METTL8: variants seen among roughly 807,000 people sequenced by gnomAD.
METTL8 encodes the protein methyltransferase 8, tRNA N3-cytidine.
Under a neutral mutation model 48.7 loss-of-function variants are expected in METTL8, and 32 were observed. That is an observed-to-expected ratio of 0.66 (90% CI 0.50 to 0.88). The LOEUF is 0.88. Ranked by LOEUF, METTL8 falls within the 40% of genes least tolerant of loss-of-function variation. The pLI is 0.00. For synonymous variants in METTL8, 136 were observed against 157.1 expected, an observed-to-expected ratio of 0.87 and a Z score of 1.01; for missense variants, 464 against 474.4, an observed-to-expected ratio of 0.98 and a Z score of 0.20.
At chr2:171,376,485 A>G (rs1686979806) in intron 2 of METTL8, among the ~76,000 whole-genome samples, 1 of 152,218 alleles carries the variant, frequency 6.6e-6, no homozygotes, top group Non-Finnish European at 1.5e-5. Flanking sequence ...GATCTGATAA[A>G]TGGATTCAGT....
chr2:171,434,303 C>T (rs1000628753), upstream of METTL8: 6 of 613,192 alleles, frequency 9.8e-6, no homozygotes, highest in Admixed American at 4.3e-5. Context: ...CCGCGCGGTA[C>T]CGGAGCGTCG....
At chr2:171,408,863 G>T (rs1020366604) in intron 1 of METTL8, among the ~76,000 whole-genome samples, 6 of 152,094 alleles carry the variant, frequency 3.9e-5, no homozygotes, top group African/African-American at 1.4e-4. Context: ...GAAGCTTCTG[G>T]GAGGTAACAC....
intron 1 of METTL8, among the ~76,000 whole-genome samples, chr2:171,416,768 AG>A (rs1691354290): frequency 6.6e-6 from 1 of 152,242 alleles, no homozygotes; most frequent in African/African-American, 2.4e-5. Flanking sequence ...GCAGGAGCTG[AG>A]GCTCGAGCAC....
chr2:171,366,712 T>TATAC (rs1685755708), intron 2 of METTL8, among the ~76,000 whole-genome samples: 1 of 152,002 alleles, frequency 6.6e-6, no homozygotes, highest in Non-Finnish European at 1.5e-5. Flanking sequence ...AACAAACCCA[T>TATAC]ATACACTATC....
intron 3 of METTL8, among the ~76,000 whole-genome samples, chr2:171,341,276 C>T (rs900361242): frequency 4.0e-5 from 6 of 148,980 alleles, no homozygotes; most frequent in African/African-American, 1.5e-4. Flanking sequence ...TGCAGTGAGC[C>T]GAGATCACGC....
At chr2:171,411,775 T>C (rs1690779527) in intron 1 of METTL8, among the ~76,000 whole-genome samples, 2 of 152,136 alleles carry the variant, frequency 1.3e-5, no homozygotes, top group Admixed American at 1.3e-4. Context: ...TTAAACATGA[T>C]ACCAAAGCCA....
At chr2:171,430,222 G>C (rs997128306) in intron 1 of METTL8, among the ~76,000 whole-genome samples, 1 of 151,832 alleles carries the variant, frequency 6.6e-6, no homozygotes, top group Non-Finnish European at 1.5e-5. Flanking sequence ...GCCAGGGATG[G>C]TGGTGTGCGC....
intron 5 of METTL8, chr2:171,332,690 T>C (rs1366791735): frequency 6.6e-6 from 1 of 152,222 alleles, no homozygotes; most frequent in Non-Finnish European, 1.5e-5. Context: ...CATTAAACAG[T>C]AAGGATGGTC....
rs1684334801 is a variant in METTL8 at position 171,317,793 on chromosome 2, C to T, written c.*6379G>A. On this transcript the variant is annotated 3_prime_UTR_variant, in exon 10 of 10. Transcript: ENST00000375258. ...GGCAGCTGAGGGTGGGCTGTCTGAC[C>T]ATCTGGAGATTTCAGTGTGCTCCAT... 1 of 152,220 alleles carries T rather than the reference C, an allele frequency of 6.6e-6. No homozygotes were observed. Among genetic ancestry groups the T allele is most frequent in the African/African-American group, 2.4e-5 (1 of 41,452 alleles). The allele number at this position is 152,220 out of a possible 1,614,324, so 9.4% of individuals were successfully genotyped here.
intron 1 of METTL8, among the ~76,000 whole-genome samples, chr2:171,400,337 G>A (rs767094631): frequency 6.6e-6 from 1 of 152,064 alleles, no homozygotes; most frequent in Non-Finnish European, 1.5e-5. Flanking sequence ...TCACCCATTT[G>A]CCTTCTACTT....
chr2:171,355,065 C>A (rs570424721), intron 3 of METTL8, among the ~76,000 whole-genome samples: 7 of 152,214 alleles, frequency 4.6e-5, no homozygotes, highest in African/African-American at 1.7e-4. Context: ...GGATTTTCAG[C>A]TTTTCTGCTC....
At chr2:171,345,003 C>T (rs1197744608) in intron 3 of METTL8, among the ~76,000 whole-genome samples, 1 of 152,120 alleles carries the variant, frequency 6.6e-6, no homozygotes, top group Non-Finnish European at 1.5e-5. Context: ...GAGAAATCTG[C>T]CCTGTCTTCA....
intron 1 of METTL8, among the ~76,000 whole-genome samples, chr2:171,406,340 C>T (rs1329062273): frequency 6.6e-6 from 1 of 152,122 alleles, no homozygotes; most frequent in Non-Finnish European, 1.5e-5. Flanking sequence ...TTTCAACAGC[C>T]CCAAAGCTGT....
At chr2:171,336,787 C>T (rs979612206) in intron 5 of METTL8, among the ~76,000 whole-genome samples, 2 of 150,572 alleles carry the variant, frequency 1.3e-5, no homozygotes, top group Non-Finnish European at 2.9e-5. Context: ...AAAATGACAT[C>T]TAAGTATCTA....
At position 171,428,105 on chromosome 2, in the gene METTL8, A is replaced by G. The variant is rs541981116; in HGVS notation, c.-13+5778T>C. Among the ~76,000 whole-genome samples, 283 of 152,292 alleles carry G rather than the reference A, an allele frequency of 1.9e-3. 2 individuals are homozygous for G. Among genetic ancestry groups the G allele is most frequent in the African/African-American group, 6.5e-3 (269 of 41,558 alleles). ...GGCTAGGATGGTTAAGTATTCTGTA[A>G]ACATAACACAGACAAAGAATAGAAA... On this transcript the variant is annotated intron_variant, in intron 1 of 9. Coordinates refer to ENST00000375258, the MANE Select transcript of METTL8 (RefSeq NM_001321154.2).
chr2:171,320,482 AT>A lies in METTL8; in HGVS notation c.*3689del, dbSNP rs1684473578. On this transcript the variant is annotated 3_prime_UTR_variant, in exon 10 of 10. Transcript: ENST00000375258. ...AACTGAGAGAGACAGTACAATTTACATGTGTGAGAATGTGAGAATAATTTTA... is the reference window on the plus strand; with the variant it reads ...AACTGAGAGAGACAGTACAATTTACAGTGTGAGAATGTGAGAATAATTTTA... 1 of 152,224 alleles carries A rather than the reference AT, an allele frequency of 6.6e-6. No individual in the cohort carries two copies. Among genetic ancestry groups the A allele is most frequent in the South Asian group, 2.1e-4 (1 of 4,836 alleles). The allele number at this position is 152,224 out of a possible 1,614,324, so 9.4% of individuals were successfully genotyped here. A position where few individuals can be genotyped will look rare whatever the true frequency, so the allele number is the denominator to read the frequency against.
chr2:171,413,384 A>C (rs1690948600), intron 1 of METTL8, among the ~76,000 whole-genome samples: 1 of 152,200 alleles, frequency 6.6e-6, no homozygotes, highest in African/African-American at 2.4e-5. Context: ...GCAGAAACAG[A>C]TATAAGAATC....
rs1417543615 is a variant in METTL8, at chr2:171,322,733, G to A, written c.*1439C>T. The A allele has an allele frequency of 1.9e-5, 2 of 103,372 alleles. No homozygotes were observed. Among genetic ancestry groups the A allele is most frequent in the Non-Finnish European group, 3.7e-5 (2 of 54,460 alleles). The allele number at this position is 103,372 out of a possible 1,614,324, so 6.4% of individuals were successfully genotyped here. On this transcript the variant is annotated 3_prime_UTR_variant, in exon 10 of 10. Transcript: ENST00000375258. ...CACTCCAGCCTGGGTGCCAGAGCAA[G>A]ACTCCATCTCAAAAAAAAAAAAAAA...
At chr2:171,360,704 ATTCT>A (rs1418714137) in intron 2 of METTL8, among the ~76,000 whole-genome samples, 191 bp from the exon 3 acceptor site, 3 of 152,150 alleles carry the variant, frequency 2.0e-5, no homozygotes, top group Non-Finnish European at 4.4e-5. Context: ...AACTCCTAAG[ATTCT>A]TCTGTTTAAA....
Sources: allele counts gnomAD v4.1 joint callset (sites outside exome capture counted in the v4.1 genomes callset), GRCh38; gene constraint gnomAD v4.1.1; transcripts MANE v1.5; gene names NCBI Gene and HGNC (gene_info 2026-07-23, HGNC 2026-07-21).